Variants in UACA observed in about 807,000 individuals in gnomAD.
UACA encodes the protein uveal autoantigen with coiled-coil domains and ankyrin repeats, also known as nuclear membrane binding protein.
UACA carries 112 observed loss-of-function variants against 160.5 expected under a neutral mutation model. The observed-to-expected ratio is 0.70, with a 90% CI of 0.60 to 0.82. The LOEUF is 0.82. UACA is among the 40% of genes least tolerant of loss of function. The pLI, the probability that UACA is intolerant of heterozygous loss-of-function variation, is 0.00. For missense variants in UACA, 1,574 were observed against 1,614.6 expected (o/e 0.97, Z 0.43); for synonymous variants, 557 against 568.4 (o/e 0.98, Z 0.29).
At chr15:70,752,652 T>C (rs79558356) in intron 1 of UACA, among the ~76,000 whole-genome samples, 3 of 151,962 alleles carry the variant, frequency 2.0e-5, no homozygotes, top group African/African-American at 7.3e-5. Context: ...ATTTTTTTTT[T>C]AAAATGATTT....
intron 9 of UACA, 135 bp downstream of exon 9, chr15:70,682,623 A>G: frequency 2.3e-6 from 1 of 440,652 alleles, no homozygotes; most frequent in Non-Finnish European, 3.9e-6. Flanking sequence ...CAGAATCTAC[A>G]CGGGCTTGAT....
chr15:70,664,575 G>A, intron 17 of UACA, 87 bp downstream of exon 17: 1 of 1,450,698 alleles, frequency 6.9e-7, no homozygotes, highest in Non-Finnish European at 9.2e-7. Flanking sequence ...TAGCTACAGA[G>A]CACTTTAATT....
intron 7 of UACA, among the ~76,000 whole-genome samples, chr15:70,684,725 T>C (rs539982229): frequency 6.6e-6 from 1 of 150,490 alleles, no homozygotes; most frequent in Non-Finnish European, 1.5e-5. Context: ...TCAACACTAC[T>C]TGAACACTTA....
rs966593060 is a variant in UACA, at chr15:70,763,545, C to T, written c.-138G>A. 22 of 1,244,686 alleles carry T rather than the reference C, an allele frequency of 1.8e-5. No individual in the cohort carries two copies. The South Asian group carries it at 7.7e-4, about 43-fold the overall frequency. 77.1% of individuals were successfully genotyped at this position (1,244,686 alleles called of 1,614,324 possible). On this transcript the variant is annotated 5_prime_UTR_variant, in exon 1 of 19. Transcript: ENST00000322954. Reference sequence around the variant, plus strand: ...CTGCCTGCCACCTGCGGGCCCCGGGCAGCAGACGTCGACAGGCCTGAGGCG... The same window carrying T: ...CTGCCTGCCACCTGCGGGCCCCGGGTAGCAGACGTCGACAGGCCTGAGGCG...
At chr15:70,703,973 C>G (rs569082675) in intron 1 of UACA, among the ~76,000 whole-genome samples, 211 of 152,182 alleles carry the variant, frequency 1.4e-3, no homozygotes, top group Non-Finnish European at 2.6e-3. Flanking sequence ...CTCTACCCCA[C>G]CACTCTTTAT....
chr15:70,777,178 C>T, the UACA span, among the ~76,000 whole-genome samples: 11 of 152,184 alleles, frequency 7.2e-5, no homozygotes, highest in South Asian at 6.2e-4. Context: ...TGCATCTGAG[C>T]GCCTGGAAGG....
At chr15:70,718,799 G>T (rs964715887) in intron 1 of UACA, among the ~76,000 whole-genome samples, 2 of 152,108 alleles carry the variant, frequency 1.3e-5, no homozygotes, top group African/African-American at 4.8e-5. Context: ...TTTAAAATAT[G>T]TGATATAGGC....
At chr15:70,775,740 A>G in the UACA span, among the ~76,000 whole-genome samples, 1 of 152,218 alleles carries the variant, frequency 6.6e-6, no homozygotes. Flanking sequence ...CTGTGTTTCA[A>G]CATGCTTGTG....
intron 1 of UACA, among the ~76,000 whole-genome samples, chr15:70,745,307 C>T (rs1015353542): frequency 6.6e-6 from 1 of 151,936 alleles, no homozygotes; most frequent in African/African-American, 2.4e-5. Flanking sequence ...TGGTGGTGGG[C>T]ACCTGTAGTC....
intron 13 of UACA, among the ~76,000 whole-genome samples, chr15:70,674,949 T>C (rs188378174): frequency 1.3e-3 from 203 of 152,298 alleles, no homozygotes; most frequent in African/African-American, 4.5e-3. Context: ...AAGAAATACA[T>C]ACATAAATAG....
chr15:70,677,424 G>A (rs114357485), intron 11 of UACA, among the ~76,000 whole-genome samples: 1 of 152,142 alleles, frequency 6.6e-6, no homozygotes, highest in African/African-American at 2.4e-5. Context: ...CCAATCCCAT[G>A]GCCCTAACTA....
intron 1 of UACA, among the ~76,000 whole-genome samples, chr15:70,716,898 T>C (rs1463710748): frequency 1.3e-5 from 2 of 152,192 alleles, no homozygotes; most frequent in African/African-American, 2.4e-5. Context: ...AAGCAGTTAA[T>C]AATTTTTATT....
At chr15:70,750,717 C>G (rs1566999958) in intron 1 of UACA, among the ~76,000 whole-genome samples, 1 of 152,048 alleles carries the variant, frequency 6.6e-6, no homozygotes, top group Non-Finnish European at 1.5e-5. Flanking sequence ...AAAAAATAAA[C>G]AAAATTAGTC....
At chr15:70,740,637 CAAAA>C (rs10536483) in intron 1 of UACA, among the ~76,000 whole-genome samples, 46 of 84,000 alleles carry the variant, frequency 5.5e-4, no homozygotes, top group East Asian at 7.3e-4. Context: ...GACCCTGTCT[CAAAA>C]AAAAAAAAAA....
chr15:70,727,877 T>C (rs1566992878), intron 1 of UACA, among the ~76,000 whole-genome samples: 1 of 152,212 alleles, frequency 6.6e-6, no homozygotes, highest in East Asian at 1.9e-4. Context: ...GTAGGGCCTC[T>C]TCACTGCCTA....
chr15:70,769,218 C>T, the UACA span, among the ~76,000 whole-genome samples: 204 of 150,388 alleles, frequency 1.4e-3, no homozygotes, highest in African/African-American at 4.6e-3. Flanking sequence ...ATTAGCCGGG[C>T]GTGATAGCTA....
intron 8 of UACA, among the ~76,000 whole-genome samples, chr15:70,683,059 T>C (rs1029128802): frequency 2.0e-5 from 3 of 151,828 alleles, no homozygotes; most frequent in East Asian, 3.9e-4. Context: ...AGGTAAAAAA[T>C]GGGAAATTTA....
chr15:70,704,356 A>T (rs1898465322), intron 1 of UACA, among the ~76,000 whole-genome samples: 1 of 152,216 alleles, frequency 6.6e-6, no homozygotes, highest in African/African-American at 2.4e-5. Flanking sequence ...CAGTTAGCCC[A>T]TGAGTGGTTC....
intron 7 of UACA, among the ~76,000 whole-genome samples, chr15:70,686,582 G>A (rs1566975437): frequency 6.7e-6 from 1 of 149,232 alleles, no homozygotes; most frequent in Non-Finnish European, 1.5e-5. Flanking sequence ...ATGCTGGTGT[G>A]CTGCACCCAT....
Sources: allele counts gnomAD v4.1 joint callset (sites outside exome capture counted in the v4.1 genomes callset), GRCh38; gene constraint gnomAD v4.1.1; transcripts MANE v1.5; gene names NCBI Gene and HGNC (gene_info 2026-07-23, HGNC 2026-07-21).